Variants in GALNT18 observed in about 807,000 individuals in gnomAD.
The protein encoded by GALNT18 is polypeptide N-acetylgalactosaminyltransferase 18.
GALNT18 carries 44 observed loss-of-function variants against 69.5 expected under a neutral mutation model. The ratio of observed to expected loss-of-function variants is 0.63; its 90% confidence interval spans 0.50 to 0.81. GALNT18 has a LOEUF of 0.81. GALNT18 is among the 40% of genes least tolerant of loss of function. The probability of loss-of-function intolerance (pLI) is 0.00; values close to 1 mark genes in which losing one functional copy is unlikely to be tolerated. For synonymous variants in GALNT18, 364 were observed against 318.2 expected (o/e 1.14, Z -1.53); for missense variants, 715 against 810.0 (o/e 0.88, Z 1.42).
chr11:11,334,633 C>G (rs564241155), intron 7 of GALNT18, among the ~76,000 whole-genome samples: 1 of 152,012 alleles, frequency 6.6e-6, no homozygotes, highest in African/African-American at 2.4e-5. Flanking sequence ...AAAATTTGAA[C>G]CTGCTACAGC....
intron 9 of GALNT18, among the ~76,000 whole-genome samples, chr11:11,317,582 T>C (rs114744085): frequency 5.6e-4 from 85 of 152,298 alleles, no homozygotes; most frequent in African/African-American, 2.0e-3. Flanking sequence ...CTTAATGGGT[T>C]ATTTGTTTTT....
At chr11:11,408,512 A>C (rs1247377820) in intron 3 of GALNT18, among the ~76,000 whole-genome samples, 1 of 152,164 alleles carries the variant, frequency 6.6e-6, no homozygotes, top group Admixed American at 6.5e-5. Flanking sequence ...GCATATGCAC[A>C]CCAAGTCGCA....
chr11:11,396,923 G>A lies in GALNT18; in HGVS notation c.596-17659C>T, dbSNP rs574925173. Among the ~76,000 whole-genome samples the A allele has an allele frequency of 5.9e-5, 9 of 152,254 alleles. No homozygotes were observed. The highest frequency in any genetic ancestry group is 1.7e-4 in the African/African-American group (7 of 41,542). On this transcript the variant is annotated intron_variant, in intron 3 of 10. Transcript: ENST00000227756. This position sits in a 1 kb window ranked among gnomAD's most constrained non-coding sequence, Gnocchi z 5.2. ...TAACAACTTCCTCTCCCAGTGGCTG[G>A]AGAGAATGATGCCATAGTTCTCTCC... is the stretch of plus-strand genomic sequence containing the variant.
At position 11,465,803 on chromosome 11, in the gene GALNT18, T is replaced by A. The variant is rs957013192; in HGVS notation, c.236-16867A>T. Among the ~76,000 whole-genome samples the A allele has an allele frequency of 5.3e-5, 8 of 152,136 alleles. No homozygotes were observed. Among genetic ancestry groups the A allele is most frequent in the Admixed American group, 4.6e-4 (7 of 15,286 alleles). On this transcript the variant is annotated intron_variant, in intron 1 of 10. Transcript: ENST00000227756. This position sits in a 1 kb window ranked among gnomAD's most constrained non-coding sequence, Gnocchi z 5.7. ...GGATGTGGAATTACTGCACGATATT[T>A]ATGTAGGGTACTCAGCTATCTCTAG...
At chr11:11,492,792 C>G (rs374189170) in intron 1 of GALNT18, among the ~76,000 whole-genome samples, 1 of 151,994 alleles carries the variant, frequency 6.6e-6, no homozygotes, top group African/African-American at 2.4e-5. Context: ...AAATACCTAA[C>G]GTATCTGGGG....
At chr11:11,453,853 A>G (rs912664593) in intron 1 of GALNT18, among the ~76,000 whole-genome samples, 1 of 152,204 alleles carries the variant, frequency 6.6e-6, no homozygotes, top group Non-Finnish European at 1.5e-5. Context: ...TTCTTTATAA[A>G]TTACCCAGTC....
chr11:11,423,019 A>T (rs1009012750), intron 3 of GALNT18, among the ~76,000 whole-genome samples: 6 of 152,218 alleles, frequency 3.9e-5, no homozygotes, highest in African/African-American at 1.4e-4. Flanking sequence ...ACACAAGCCC[A>T]CGTGCCCATG....
chr11:11,349,313 A>G (rs1252540142), intron 6 of GALNT18, among the ~76,000 whole-genome samples: 1 of 152,076 alleles, frequency 6.6e-6, no homozygotes, highest in East Asian at 1.9e-4. Flanking sequence ...TATTTATCTC[A>G]CTGAAATTTC....
chr11:11,578,079 G>A (rs1371495502), intron 1 of GALNT18, among the ~76,000 whole-genome samples: 2 of 152,100 alleles, frequency 1.3e-5, no homozygotes, highest in Non-Finnish European at 2.9e-5. Context: ...CATTGACCTG[G>A]GGCAAAACAT....
chr11:11,594,811 T>G (rs927141776), intron 1 of GALNT18, among the ~76,000 whole-genome samples: 1 of 104,898 alleles, frequency 9.5e-6, no homozygotes, highest in African/African-American at 3.3e-5. Flanking sequence ...TTCAATTATC[T>G]TGGGCATATA....
chr11:11,520,975 G>A (rs1857385290), intron 1 of GALNT18, among the ~76,000 whole-genome samples: 2 of 152,184 alleles, frequency 1.3e-5, no homozygotes, highest in East Asian at 1.9e-4. Context: ...AGAGCCCCTG[G>A]CTGGCCTTCC....
chr11:11,376,081 C>G (rs892390365), intron 5 of GALNT18, among the ~76,000 whole-genome samples: 1 of 152,182 alleles, frequency 6.6e-6, no homozygotes, highest in Non-Finnish European at 1.5e-5. Context: ...CCCACCGTAT[C>G]ATCAATATAG....
chr11:11,502,229 C>A lies in GALNT18; in HGVS notation c.236-53293G>T, dbSNP rs1320557299. Among the ~76,000 whole-genome samples, 4 of 152,322 alleles carry A rather than the reference C, an allele frequency of 2.6e-5. No individual in the cohort carries two copies. The East Asian group carries it at 7.7e-4, about 29-fold the overall frequency. On this transcript the variant is annotated intron_variant, in intron 1 of 10. Coordinates refer to ENST00000227756, the MANE Select transcript of GALNT18 (RefSeq NM_198516.3). Reference sequence around the variant, plus strand: ...AAGTGAGGCTTGCAGAATTTATGCGCTCCTGGGGCCCCTTGCAAACAAGCT... The same window carrying A: ...AAGTGAGGCTTGCAGAATTTATGCGATCCTGGGGCCCCTTGCAAACAAGCT...
intron 8 of GALNT18, among the ~76,000 whole-genome samples, chr11:11,330,913 G>A (rs1850007336): frequency 6.6e-6 from 1 of 152,196 alleles, no homozygotes; most frequent in South Asian, 2.1e-4. Context: ...AGCCACAGCT[G>A]ACAGCCTGCT....
rs1388394076 is a variant in GALNT18 at position 11,497,370 on chromosome 11, A to ACACACACACACACACAC, written c.236-48435_236-48434insGTGTGTGTGTGTGTGTG. On this transcript the variant is annotated intron_variant, in intron 1 of 10. Transcript: ENST00000227756. The surrounding 1 kb of genome is among the most constrained non-coding windows in gnomAD (Gnocchi z 4.2). ...CACACACACACACACACACACACAC[A>ACACACACACACACACAC]CCCCTTAGAATGGGGCTCCTTAAGA... 1.5e-5 allele frequency among the ~76,000 whole-genome samples: 2 copies of ACACACACACACACACAC among 134,622 alleles called. No individual in the cohort carries two copies. Among genetic ancestry groups the ACACACACACACACACAC allele is most frequent in the African/African-American group, 3.0e-5 (1 of 32,928 alleles). The allele number at this position is 134,622 out of a possible 152,430, so 88.3% of individuals were successfully genotyped here.
Position 11,590,740 on chromosome 11 carries a change from A to C in GALNT18, c.235+30619T>G, listed in dbSNP as rs1428824297. On this transcript the variant is annotated intron_variant, in intron 1 of 10. Transcript: ENST00000227756. This position sits in a 1 kb window ranked among gnomAD's most constrained non-coding sequence, Gnocchi z 4.4. ...CCCGTAAGATTACAATGGAGCCCAA[A>C]AATTCCTATTGCCTAGTAACATCAC... 6.6e-6 allele frequency among the ~76,000 whole-genome samples: 1 copy of C among 152,186 alleles called. No individual in the cohort carries two copies. Among genetic ancestry groups the C allele is most frequent in the East Asian group, 1.9e-4 (1 of 5,192 alleles).
intron 1 of GALNT18, among the ~76,000 whole-genome samples, chr11:11,557,286 A>G (rs1000196834): frequency 4.6e-5 from 7 of 152,148 alleles, no homozygotes; most frequent in Admixed American, 1.3e-4. Flanking sequence ...TTTATATGCA[A>G]TAATTATTGC....
Position 11,538,832 on chromosome 11 carries a change from A to G in GALNT18, c.235+82527T>C, listed in dbSNP as rs954439468. ...TCCTGCTGCTGCCTCCTTTAACTTC[A>G]TGGCTGTGGTTCCCATCTGCACAGC... On this transcript the variant is annotated intron_variant, in intron 1 of 10. Coordinates refer to ENST00000227756, the MANE Select transcript of GALNT18 (RefSeq NM_198516.3). The surrounding 1 kb of genome is among the most constrained non-coding windows in gnomAD (Gnocchi z 5.2). Among the ~76,000 whole-genome samples, 1 of 151,874 alleles carries G rather than the reference A, an allele frequency of 6.6e-6. No homozygotes were observed. Among genetic ancestry groups the G allele is most frequent in the South Asian group, 2.1e-4 (1 of 4,820 alleles).
intron 1 of GALNT18, among the ~76,000 whole-genome samples, chr11:11,594,335 A>G (rs1409238267): frequency 2.0e-5 from 3 of 152,232 alleles, no homozygotes; most frequent in African/African-American, 7.2e-5. Context: ...ATACCATAAC[A>G]GCGACGCACT....
Sources: gnomAD v4.1 joint callset for allele counts (sites outside exome capture counted in the v4.1 genomes callset) on GRCh38, gnomAD v4.1.1 for gene constraint, Gnocchi (gnomAD v3.1) non-coding constraint, MANE v1.5 for transcripts, NCBI Gene and HGNC (gene_info 2026-07-23, HGNC 2026-07-21) for gene names.